SPIDR: variants seen among roughly 807,000 people sequenced by gnomAD.
SPIDR encodes the protein DNA repair-scaffolding protein.
SPIDR carries 93 observed loss-of-function variants against 104.6 expected under a neutral mutation model. The ratio of observed to expected loss-of-function variants is 0.89; its 90% CI spans 0.75 to 1.06. The LOEUF (loss-of-function observed/expected upper bound fraction) is 1.06. Among genes scored for constraint, SPIDR ranks in the 50% least tolerant of loss-of-function variants. The probability of loss-of-function intolerance (pLI) is 0.00; values close to 1 mark genes in which losing one functional copy is unlikely to be tolerated. For synonymous variants in SPIDR, 431 were observed against 416.9 expected (o/e 1.03, Z -0.41); for missense variants, 1,154 against 1,111.2 (o/e 1.04, Z -0.55).
intron 8 of SPIDR, among the ~76,000 whole-genome samples, chr8:47,559,786 CTA>C (rs1280833687): frequency 6.6e-6 from 1 of 152,188 alleles, no homozygotes; most frequent in Non-Finnish European, 1.5e-5. Context: ...AGGAAAGACT[CTA>C]TGTGATTGCA....
intron 14 of SPIDR, among the ~76,000 whole-genome samples, chr8:47,709,941 G>A (rs2081614688): frequency 7.0e-6 from 1 of 143,092 alleles, no homozygotes; most frequent in Non-Finnish European, 1.5e-5. Flanking sequence ...GCAGTGGTAT[G>A]ATCTCAGCAC....
chr8:47,498,227 G>T (rs1221944074), intron 8 of SPIDR, among the ~76,000 whole-genome samples: 1 of 152,142 alleles, frequency 6.6e-6, no homozygotes, highest in East Asian at 1.9e-4. Flanking sequence ...TAGGCCAAAG[G>T]GAAGCACATT....
At chr8:47,295,913 A>G (rs1040781990) in intron 5 of SPIDR, among the ~76,000 whole-genome samples, 46 of 152,170 alleles carry the variant, frequency 3.0e-4, no homozygotes, top group Non-Finnish European at 6.5e-4. Flanking sequence ...CCAACAATGT[A>G]CAAGTTCCCT....
At chr8:47,349,186 G>A (rs1188261309) in intron 5 of SPIDR, among the ~76,000 whole-genome samples, 11 of 152,136 alleles carry the variant, frequency 7.2e-5, no homozygotes, top group Admixed American at 7.2e-4. Flanking sequence ...CTCTTTGTTG[G>A]TTTTCCTTCT....
At chr8:47,339,464 C>A (rs539614470) in intron 5 of SPIDR, among the ~76,000 whole-genome samples, 19 of 152,048 alleles carry the variant, frequency 1.2e-4, no homozygotes, top group African/African-American at 4.6e-4. Context: ...TTAATAATTT[C>A]CATGTTTTTT....
Position 47,710,060 on chromosome 8 carries a change from T to G in SPIDR, c.1978-2602T>G, listed in dbSNP as rs1489674330. On this transcript the variant is annotated intron_variant, in intron 14 of 19. Transcript: ENST00000297423. Reference sequence around the variant, plus strand: ...ACCTAGCTAATTTTTATATTTTTAGTAGAGACAGGGTTTCACCATGTTGGC... The same window carrying G: ...ACCTAGCTAATTTTTATATTTTTAGGAGAGACAGGGTTTCACCATGTTGGC... 3.9e-5 allele frequency among the ~76,000 whole-genome samples: 6 copies of G among 152,100 alleles called. No individual in the cohort carries two copies. In the East Asian group the frequency reaches 1.2e-3, roughly 29 times the overall value.
At chr8:47,278,335 TC>T in intron 1 of SPIDR, among the ~76,000 whole-genome samples, 1 of 151,278 alleles carries the variant, frequency 6.6e-6, no homozygotes, top group Non-Finnish European at 1.5e-5. Flanking sequence ...TTTTTTTTTT[TC>T]AAAGACAGGA....
chr8:47,415,306 C>T (rs1554674526), intron 7 of SPIDR, among the ~76,000 whole-genome samples: 1 of 152,128 alleles, frequency 6.6e-6, no homozygotes, highest in Non-Finnish European at 1.5e-5. Context: ...CCAGTTTCCC[C>T]CGGTAATGAC....
At chr8:47,446,735 C>A (rs1292314972) in intron 8 of SPIDR, among the ~76,000 whole-genome samples, 4 of 151,604 alleles carry the variant, frequency 2.6e-5, no homozygotes, top group Non-Finnish European at 5.9e-5. Context: ...TACAGGTGTG[C>A]GCCACCACGC....
At chr8:47,417,127 T>C (rs1487823214) in intron 7 of SPIDR, among the ~76,000 whole-genome samples, 6 of 152,226 alleles carry the variant, frequency 3.9e-5, no homozygotes, top group African/African-American at 1.4e-4. Flanking sequence ...TTTATAATCC[T>C]TTGGGTATAT....
chr8:47,700,118 C>G (rs1366309167), intron 11 of SPIDR, among the ~76,000 whole-genome samples: 1 of 152,136 alleles, frequency 6.6e-6, no homozygotes, highest in Non-Finnish European at 1.5e-5. Flanking sequence ...AAACATGTTT[C>G]CATGTCCATA....
intron 8 of SPIDR, among the ~76,000 whole-genome samples, chr8:47,594,567 T>C (rs1310006306): frequency 6.6e-6 from 1 of 152,180 alleles, no homozygotes; most frequent in Non-Finnish European, 1.5e-5. Context: ...AAGAGTTTTC[T>C]GCCTTTCTAG....
chr8:47,560,024 TG>T (rs1360238007), intron 8 of SPIDR, among the ~76,000 whole-genome samples: 1 of 152,220 alleles, frequency 6.6e-6, no homozygotes, highest in African/African-American at 2.4e-5. Context: ...TCCTTGCTTA[TG>T]TTGATAGGCC....
chr8:47,405,719 T>G (rs1554666898), intron 6 of SPIDR, among the ~76,000 whole-genome samples: 1 of 152,222 alleles, frequency 6.6e-6, no homozygotes, highest in Non-Finnish European at 1.5e-5. Context: ...ATAACTTATC[T>G]GGCTACGTTC....
Position 47,405,328 on chromosome 8 carries a change from A to G in SPIDR, c.777-2533A>G, listed in dbSNP as rs202049762. 3.2e-4 allele frequency among the ~76,000 whole-genome samples: 48 copies of G among 148,746 alleles called. No homozygotes were observed. In the East Asian group the frequency reaches 6.0e-3, roughly 19 times the overall value. The stretch of plus-strand genomic sequence containing the variant: ...TGTGTGTGTGTGTGTGTGTGTATAT[A>G]TGTGTGTGTGTATATATATATGTAT... On this transcript the variant is annotated intron_variant, in intron 6 of 19. Transcript: ENST00000297423.
At chr8:47,656,163 G>C (rs541435154) in intron 10 of SPIDR, among the ~76,000 whole-genome samples, 46 of 152,230 alleles carry the variant, frequency 3.0e-4, no homozygotes, top group African/African-American at 1.1e-3. Flanking sequence ...TGGTTTCTTA[G>C]ATGTGACACC....
At chr8:47,453,690 C>G (rs189430540) in intron 8 of SPIDR, among the ~76,000 whole-genome samples, 168 of 152,186 alleles carry the variant, frequency 1.1e-3, no homozygotes, top group African/African-American at 3.7e-3. Flanking sequence ...TTCCTTACAC[C>G]TTATACAAAA....
At chr8:47,355,890 C>T (rs1329662057) in intron 5 of SPIDR, among the ~76,000 whole-genome samples, 1 of 152,148 alleles carries the variant, frequency 6.6e-6, no homozygotes. Context: ...CCCACTTCCC[C>T]GTGGTGGCTC....
intron 10 of SPIDR, among the ~76,000 whole-genome samples, chr8:47,632,899 G>T (rs1046905831): frequency 6.6e-6 from 1 of 152,196 alleles, no homozygotes; most frequent in African/African-American, 2.4e-5. Flanking sequence ...CAGCCAAGGG[G>T]CCTGCAGCGG....
Sources: allele counts gnomAD v4.1 joint callset (sites outside exome capture counted in the v4.1 genomes callset), GRCh38; gene constraint gnomAD v4.1.1; transcripts MANE v1.5; gene names NCBI Gene and HGNC (gene_info 2026-07-23, HGNC 2026-07-21).